EPHA10: variants seen among roughly 807,000 people sequenced by gnomAD.
The protein encoded by EPHA10 is ephrin type-A receptor 10.
In EPHA10, 120 loss-of-function variants were observed where a neutral mutation model predicts 109.7. The ratio of observed to expected loss-of-function variants is 1.09; its 90% CI spans 0.94 to 1.27. EPHA10 has a LOEUF of 1.27. Ranked by LOEUF, EPHA10 falls within the 50% of genes most tolerant of loss-of-function variation. The pLI is 0.00. For missense variants in EPHA10, 1,396 were observed against 1,411.1 expected (o/e 0.99, Z 0.17); for synonymous variants, 640 against 618.9 (o/e 1.03, Z -0.51).
intron 1 of EPHA10, among the ~76,000 whole-genome samples, chr1:37,763,909 C>T (rs1165433566): frequency 2.6e-5 from 4 of 152,186 alleles, no homozygotes; most frequent in African/African-American, 9.7e-5. Flanking sequence ...ACTTCCACTG[C>T]TTTTGAAAGA....
Position 37,717,697 on chromosome 1 carries a change from T to C in EPHA10, c.*675A>G, listed in dbSNP as rs1319123213. 1.3e-5 allele frequency: 3 copies of C among 231,446 alleles called. No individual in the cohort carries two copies. Among genetic ancestry groups the C allele is most frequent in the Non-Finnish European group, 2.6e-5 (3 of 116,940 alleles). 14.3% of individuals were successfully genotyped at this position (231,446 alleles called of 1,614,324 possible). A position where few individuals can be genotyped will look rare whatever the true frequency, so the allele number is the denominator to read the frequency against. On this transcript the variant is annotated 3_prime_UTR_variant, in exon 17 of 17. Coordinates refer to ENST00000373048, the MANE Select transcript of EPHA10 (RefSeq NM_001099439.2). Reference sequence around the variant, plus strand: ...CATGGCCCGGCCTGGCCAGGACTTTTGGCCTCACCCTGAACTGTCAGCCCA... The same window carrying C: ...CATGGCCCGGCCTGGCCAGGACTTTCGGCCTCACCCTGAACTGTCAGCCCA...
chr1:37,732,076 CTTGT>C (rs920178741), intron 6 of EPHA10, among the ~76,000 whole-genome samples: 6 of 152,214 alleles, frequency 3.9e-5, no homozygotes, highest in Non-Finnish European at 4.4e-5. Context: ...AAAGTATTAT[CTTGT>C]TTGTTTGTTT....
chr1:37,756,211 TC>T (rs1646391673), intron 3 of EPHA10, among the ~76,000 whole-genome samples: 1 of 152,240 alleles, frequency 6.6e-6, no homozygotes, highest in Admixed American at 6.5e-5. Flanking sequence ...GCTGGGCCAC[TC>T]CTTGTGCCTC....
intron 3 of EPHA10, among the ~76,000 whole-genome samples, chr1:37,757,080 G>A (rs1432711633): frequency 6.6e-6 from 1 of 152,118 alleles, no homozygotes; most frequent in Non-Finnish European, 1.5e-5. Context: ...TCCTGCCTTA[G>A]CCTCCCAAAT....
intron 11 of EPHA10, 29 bp downstream of exon 11, chr1:37,721,631 G>C: frequency 6.3e-7 from 1 of 1,580,954 alleles, no homozygotes. Flanking sequence ...CCGTGGGCTG[G>C]GCAGCAGGAA....
chr1:37,726,407 G>A (rs1645892236), intron 8 of EPHA10, among the ~76,000 whole-genome samples: 1 of 152,194 alleles, frequency 6.6e-6, no homozygotes, highest in Admixed American at 6.5e-5. Context: ...CGTTCCAGCT[G>A]CCAGGCAGTT....
chr1:37,759,110 C>G (rs1004585674), intron 3 of EPHA10, among the ~76,000 whole-genome samples: 5 of 152,156 alleles, frequency 3.3e-5, no homozygotes, highest in Admixed American at 3.3e-4. Flanking sequence ...TAATCCTTCC[C>G]TCTTCAATCC....
intron 5 of EPHA10, 58 bp downstream of exon 5, chr1:37,752,818 G>C (rs1646348692): frequency 7.6e-6 from 9 of 1,177,272 alleles, no homozygotes; most frequent in Non-Finnish European, 9.6e-6. Context: ...GCGGCCCCAA[G>C]AGGGCGCAGG....
intron 7 of EPHA10, among the ~76,000 whole-genome samples, chr1:37,729,092 C>T (rs1168145249): frequency 6.6e-6 from 1 of 152,160 alleles, no homozygotes; most frequent in Non-Finnish European, 1.5e-5. Context: ...GGCTCACAGT[C>T]TCTGGAAGAA....
At position 37,723,309 on chromosome 1, in the gene EPHA10, A is replaced by G; in HGVS notation, c.1834+2T>C. ...CTCCCCAGCCAGGCCCAGCCAACTC[A>G]CAGTGGAAATACAGCTCCTCTTCAT... On this transcript the variant is annotated splice_donor_variant, in intron 9 of 16. Coordinates refer to ENST00000373048, the MANE Select transcript of EPHA10 (RefSeq NM_001099439.2). LOFTEE classifies it high-confidence loss of function. 1 of 1,614,056 alleles carries G rather than the reference A, an allele frequency of 6.2e-7. No individual in the cohort carries two copies. Among genetic ancestry groups the G allele is most frequent in the East Asian group, 2.2e-5 (1 of 44,878 alleles).
At chr1:37,753,875 T>G (rs915909359) in intron 4 of EPHA10, among the ~76,000 whole-genome samples, 3 of 151,740 alleles carry the variant, frequency 2.0e-5, no homozygotes, top group Non-Finnish European at 4.4e-5. Context: ...ACCGAACCGA[T>G]GGTGCGAAGG....
rs780968679 is a variant in EPHA10, at chr1:37,765,111, C to T, written c.-45G>A. 10 of 1,526,736 alleles carry T rather than the reference C, an allele frequency of 6.5e-6. No individual in the cohort carries two copies. In the Admixed American group the frequency reaches 7.8e-5, roughly 12 times the overall value. 94.6% of individuals were successfully genotyped at this position (1,526,736 alleles called of 1,614,324 possible). On this transcript the variant is annotated 5_prime_UTR_variant, in exon 1 of 17. Coordinates refer to ENST00000373048, the MANE Select transcript of EPHA10 (RefSeq NM_001099439.2). The stretch of plus-strand genomic sequence containing the variant: ...CAGTCCGGCGGCGGCTCAAGCCGCG[C>T]CAGCCTAGCACCGCTGAGCAATGCC...
rs1489866196 is a variant in EPHA10, at chr1:37,761,539, G to A, written c.716C>T (p.Thr239Met). 1.9e-6 allele frequency: 3 copies of A among 1,598,670 alleles called. No homozygotes were observed. The highest frequency in any genetic ancestry group is 1.7e-6 in the Non-Finnish European group (2 of 1,177,298). The change falls in exon 3 of 17, where the codon ACG becomes ATG. Residue 239 changes from threonine (T) to methionine (M), a missense_variant. By Grantham distance (81) the Thr-to-Met change is moderately conservative. Transcript: ENST00000373048. ...AFSTLVEVAG[T>M]CVAHSEGEPG... ...CTCCCCTTCCGAGTGCGCCACGCAC[G>A]TTCCGGCCACTTCCACCAGTGTGGA...
chr1:37,720,609 T>A, intron 12 of EPHA10, 55 bp from the exon 13 acceptor site: 1 of 1,563,078 alleles, frequency 6.4e-7, no homozygotes, highest in Middle Eastern at 1.7e-4. Context: ...CCTGGTGTTG[T>A]GTGACACCAG....
chr1:37,725,012 G>A (rs1645864649), intron 8 of EPHA10, among the ~76,000 whole-genome samples: 1 of 152,196 alleles, frequency 6.6e-6, no homozygotes, highest in Admixed American at 6.5e-5. Flanking sequence ...ATAGGTGGAA[G>A]GACTGATCCT....
chr1:37,742,454 G>A (rs964680884), intron 5 of EPHA10, among the ~76,000 whole-genome samples: 1 of 152,178 alleles, frequency 6.6e-6, no homozygotes, highest in African/African-American at 2.4e-5. Flanking sequence ...AAAGTTTCTT[G>A]CTTTTAAAAA....
chr1:37,742,152 C>T (rs572402438), intron 5 of EPHA10, among the ~76,000 whole-genome samples: 2 of 152,186 alleles, frequency 1.3e-5, no homozygotes, highest in Non-Finnish European at 2.9e-5. Flanking sequence ...CACCAAGCAC[C>T]GGCTCTCCAG....
intron 5 of EPHA10, among the ~76,000 whole-genome samples, chr1:37,749,002 A>G (rs1165419242): frequency 7.1e-6 from 1 of 141,800 alleles, no homozygotes; most frequent in African/African-American, 2.6e-5. Context: ...AGCTCACTGC[A>G]ACCTCCACCT....
intron 7 of EPHA10, among the ~76,000 whole-genome samples, chr1:37,728,501 C>T (rs1205945528): frequency 6.6e-6 from 1 of 152,142 alleles, no homozygotes; most frequent in Non-Finnish European, 1.5e-5. Context: ...GAAAGTACAC[C>T]TCTTTAGGCA....
Sources: allele counts gnomAD v4.1 joint callset (sites outside exome capture counted in the v4.1 genomes callset), GRCh38; gene constraint gnomAD v4.1.1; transcripts MANE v1.5; gene names NCBI Gene and HGNC (gene_info 2026-07-23, HGNC 2026-07-21).